The following ARID1B variants were observed in gnomAD, a reference collection of about 807,000 sequenced individuals.
ARID1B encodes AT-rich interaction domain 1B.
Under a neutral mutation model 212.3 loss-of-function variants are expected in ARID1B, and 30 were observed. The ratio of observed to expected loss-of-function variants is 0.14; its 90% CI spans 0.11 to 0.19. ARID1B has a LOEUF of 0.19. Ranked by LOEUF, ARID1B falls within the 10% of genes least tolerant of loss-of-function variation. The probability of loss-of-function intolerance (pLI) is 1.00; values close to 1 mark genes in which losing one functional copy is unlikely to be tolerated. For synonymous variants in ARID1B, 1,402 were observed against 1,301.7 expected (o/e 1.08, Z -1.66); for missense variants, 2,891 against 3,204.0 (o/e 0.90, Z 2.36).
chr6:157,172,365 AT>A (rs1791770921), intron 9 of ARID1B, among the ~76,000 whole-genome samples: 2 of 152,220 alleles, frequency 1.3e-5, no homozygotes, highest in Non-Finnish European at 2.9e-5. Context: ...CTGCAGCTGC[AT>A]CACTTGAAAA....
chr6:156,818,289 A>G (rs895053763), intron 1 of ARID1B, among the ~76,000 whole-genome samples: 16 of 152,116 alleles, frequency 1.1e-4, no homozygotes, highest in African/African-American at 3.6e-4. Context: ...AGGGGCAAAT[A>G]GCCTGTGTAT....
intron 7 of ARID1B, among the ~76,000 whole-genome samples, chr6:157,146,775 A>G (rs1789758441): frequency 1.3e-5 from 2 of 152,336 alleles, no homozygotes; most frequent in East Asian, 1.9e-4. Context: ...GTTATGTTAC[A>G]TGGATGGAGA....
intron 3 of ARID1B, among the ~76,000 whole-genome samples, chr6:156,927,824 A>G (rs149156815): frequency 1.3e-5 from 2 of 152,256 alleles, no homozygotes; most frequent in African/African-American, 4.8e-5. Context: ...TCCAGTACCC[A>G]TCCTTGCTGG....
Position 157,203,855 on chromosome 6 carries a change from C to T in ARID1B, c.5264-11C>T. 2.5e-6 allele frequency: 4 copies of T among 1,613,976 alleles called. No homozygotes were observed. Among genetic ancestry groups the T allele is most frequent in the Non-Finnish European group, 2.5e-6 (3 of 1,179,902 alleles). ...AACATTCATGATATCCTTGTTCTTC[C>T]CCATCTTCAGTTACTCCTGAGGCGT... On this transcript the variant is annotated splice_polypyrimidine_tract_variant and intron_variant, in intron 18 of 19. Transcript: ENST00000636930. This position sits in a 1 kb window ranked among gnomAD's most constrained non-coding sequence, Gnocchi z 4.4.
intron 3 of ARID1B, 57 bp downstream of exon 3, chr6:156,901,582 C>T (rs1788946541): frequency 6.5e-7 from 1 of 1,546,564 alleles, no homozygotes; most frequent in African/African-American, 1.4e-5. Context: ...GCAGACCCGG[C>T]TCTGAATCAT....
At chr6:156,975,602 A>ATTTTTTTTTTTTT (rs57649427) in intron 4 of ARID1B, among the ~76,000 whole-genome samples, 1 of 86,310 alleles carries the variant, frequency 1.2e-5, no homozygotes, top group Non-Finnish European at 2.4e-5. Context: ...GTTTGACTGT[A>ATTTTTTTTTTTTT]TTTTTTTTTT....
chr6:157,165,560 A>T (rs906756937), intron 8 of ARID1B, among the ~76,000 whole-genome samples: 1 of 152,224 alleles, frequency 6.6e-6, no homozygotes, highest in African/African-American at 2.4e-5. Context: ...TATTTAAAAA[A>T]AAAAATGATT....
chr6:157,186,930 C>G (rs770540287), intron 13 of ARID1B, among the ~76,000 whole-genome samples: 53 of 152,204 alleles, frequency 3.5e-4, no homozygotes, highest in Non-Finnish European at 7.1e-4. Flanking sequence ...TTCTGTCAGC[C>G]TCTGGGAGGC....
chr6:157,133,322 C>T, intron 7 of ARID1B, 115 bp downstream of exon 7: 3 of 1,227,694 alleles, frequency 2.4e-6, no homozygotes, highest in Non-Finnish European at 3.3e-6. Context: ...TTATCTGTTA[C>T]CTGACAGGTT....
chr6:156,880,886 A>G (rs993134979), intron 2 of ARID1B, among the ~76,000 whole-genome samples: 1 of 152,154 alleles, frequency 6.6e-6, no homozygotes, highest in African/African-American at 2.4e-5. Context: ...TGAAAACTGC[A>G]TAGTCATTTT....
chr6:156,987,859 T>C (rs2128396728), intron 4 of ARID1B, among the ~76,000 whole-genome samples: 1 of 152,360 alleles, frequency 6.6e-6, no homozygotes, highest in Admixed American at 6.5e-5. Flanking sequence ...GTTGAGACTT[T>C]ATTCCTTTGA....
At chr6:156,940,855 C>G (rs1401250105) in intron 4 of ARID1B, 1 of 152,156 alleles carries the variant, frequency 6.6e-6, no homozygotes, top group Non-Finnish European at 1.5e-5. Context: ...TCCAACCCAG[C>G]TAGAAATGTA....
rs1792351101 is a variant in ARID1B, at chr6:156,937,585, AT to A, written c.2247+2011del. On this transcript the variant is annotated intron_variant, in intron 4 of 19. Transcript: ENST00000636930. ...ATCTGTGTTGGATTGGATGGTTGACATTCAGCTAACTCTACAGTGTTATTAG... is the reference window on the plus strand; with the variant it reads ...ATCTGTGTTGGATTGGATGGTTGACATCAGCTAACTCTACAGTGTTATTAG... The A allele has an allele frequency of 3.3e-5, 5 of 152,370 alleles. No homozygotes were observed. In the South Asian group the frequency reaches 1.0e-3, roughly 32 times the overall value. 9.4% of individuals were successfully genotyped at this position (152,370 alleles called of 1,614,324 possible). A position where few individuals can be genotyped will look rare whatever the true frequency, so the allele number is the denominator to read the frequency against.
intron 2 of ARID1B, among the ~76,000 whole-genome samples, chr6:156,855,654 C>T (rs1000794659): frequency 6.6e-6 from 1 of 152,018 alleles, no homozygotes; most frequent in African/African-American, 2.4e-5. Context: ...ATAATGAAAC[C>T]TTAAGTTCAT....
intron 4 of ARID1B, among the ~76,000 whole-genome samples, chr6:156,950,801 T>A (rs1793527471): frequency 6.6e-6 from 1 of 152,242 alleles, no homozygotes; most frequent in Admixed American, 6.5e-5. Flanking sequence ...ACATTTTTAT[T>A]GACTGTCCTG....
intron 4 of ARID1B, among the ~76,000 whole-genome samples, chr6:157,017,382 T>TG (rs1336314528): frequency 6.6e-6 from 1 of 152,206 alleles, no homozygotes; most frequent in Non-Finnish European, 1.5e-5. Context: ...AAACATCTAT[T>TG]GGGGACCACA....
intron 4 of ARID1B, among the ~76,000 whole-genome samples, chr6:157,018,232 T>TTTTTTTTTA (rs1458960543): frequency 6.9e-6 from 1 of 145,782 alleles, no homozygotes; most frequent in African/African-American, 2.6e-5. Flanking sequence ...TTTTTTTTTT[T>TTTTTTTTTA]TTGAGATACA....
chr6:156,862,649 A>G (rs1282249751), intron 2 of ARID1B, among the ~76,000 whole-genome samples: 2 of 152,198 alleles, frequency 1.3e-5, no homozygotes, highest in African/African-American at 4.8e-5. Flanking sequence ...TTGATGGTAC[A>G]AGGCAAAGCG....
chr6:157,028,766 C>T (rs1051012345), intron 4 of ARID1B, among the ~76,000 whole-genome samples: 3 of 152,168 alleles, frequency 2.0e-5, no homozygotes, highest in Non-Finnish European at 4.4e-5. Flanking sequence ...GGTACTGTGA[C>T]CACATAAGCC....
Sources: gnomAD v4.1 joint callset for allele counts (sites outside exome capture counted in the v4.1 genomes callset) on GRCh38, gnomAD v4.1.1 for gene constraint, Gnocchi (gnomAD v3.1) non-coding constraint, MANE v1.5 for transcripts, NCBI Gene and HGNC (gene_info 2026-07-23, HGNC 2026-07-21) for gene names.